The following CSNK2A2IP variants were observed in gnomAD, a reference collection of about 807,000 sequenced individuals.
The protein encoded by CSNK2A2IP is casein kinase II subunit alpha'-interacting protein.
At chr3:88,435,588 T>G in the CSNK2A2IP span, among the ~76,000 whole-genome samples, 1 of 152,120 alleles carries the variant, frequency 6.6e-6, no homozygotes, top group Admixed American at 6.6e-5. Flanking sequence ...TACCTTCACT[T>G]AAACCATCTT....
the CSNK2A2IP span, among the ~76,000 whole-genome samples, chr3:88,446,029 CTTTTCTTTCTTTCTTTCTTT>C: frequency 3.0e-5 from 1 of 33,186 alleles, no homozygotes; most frequent in East Asian, 5.3e-4. Flanking sequence ...TTCTTTGTTT[CTTTTCTTTCTTTCTTTCTTT>C]CTTTCTTTCT....
At chr3:88,398,098 G>C in the CSNK2A2IP span, among the ~76,000 whole-genome samples, 117 of 152,142 alleles carry the variant, frequency 7.7e-4, no homozygotes, top group African/African-American at 2.8e-3. Flanking sequence ...CCAACTCAGA[G>C]AAATATGCTG....
chr3:88,383,750 G>A, the CSNK2A2IP span, among the ~76,000 whole-genome samples: 7 of 134,550 alleles, frequency 5.2e-5, no homozygotes, highest in East Asian at 2.4e-4. Flanking sequence ...TGCAACCTCC[G>A]CCTCCCCGGT....
the CSNK2A2IP span, among the ~76,000 whole-genome samples, chr3:88,366,491 C>T: frequency 1.3e-5 from 2 of 152,082 alleles, no homozygotes; most frequent in South Asian, 2.1e-4. Context: ...GTTTGATTTG[C>T]AAATGATTCT....
At chr3:88,393,959 TA>T in the CSNK2A2IP span, among the ~76,000 whole-genome samples, 2 of 152,130 alleles carry the variant, frequency 1.3e-5, no homozygotes, top group African/African-American at 4.8e-5. Context: ...AAAGCAGCGC[TA>T]GGGGACAATG....
the CSNK2A2IP span, among the ~76,000 whole-genome samples, chr3:88,389,269 G>A: frequency 2.0e-5 from 3 of 151,974 alleles, no homozygotes; most frequent in Non-Finnish European, 2.9e-5. Flanking sequence ...GAGAAAATGA[G>A]GACGTTAGTT....
At chr3:88,385,391 T>C in the CSNK2A2IP span, among the ~76,000 whole-genome samples, 12 of 152,140 alleles carry the variant, frequency 7.9e-5, no homozygotes, top group African/African-American at 2.7e-4. Flanking sequence ...AGGTCTTTTG[T>C]GACCTTGAAA....
chr3:88,419,114 A>G, the CSNK2A2IP span, among the ~76,000 whole-genome samples: 2 of 152,118 alleles, frequency 1.3e-5, no homozygotes, highest in African/African-American at 4.8e-5. Flanking sequence ...GGCTCCCATG[A>G]GTCTACAATA....
the CSNK2A2IP span, among the ~76,000 whole-genome samples, chr3:88,354,340 G>A: frequency 1.4e-4 from 22 of 152,244 alleles, no homozygotes; most frequent in African/African-American, 5.3e-4. Flanking sequence ...AATTAGATGA[G>A]CTGCATGATA....
chr3:88,430,192 T>C, the CSNK2A2IP span, among the ~76,000 whole-genome samples: 1 of 152,158 alleles, frequency 6.6e-6, no homozygotes, highest in Non-Finnish European at 1.5e-5. Context: ...GACTCCTCAC[T>C]ATTCAGCACT....
the CSNK2A2IP span, among the ~76,000 whole-genome samples, chr3:88,346,359 G>C: frequency 2.0e-5 from 3 of 152,104 alleles, no homozygotes; most frequent in African/African-American, 7.2e-5. Flanking sequence ...AAATGAAACA[G>C]CTTCATAATG....
the CSNK2A2IP span, among the ~76,000 whole-genome samples, chr3:88,343,919 T>G: frequency 6.6e-6 from 1 of 151,962 alleles, no homozygotes; most frequent in East Asian, 1.9e-4. Flanking sequence ...CAATAAATCA[T>G]CTAGGTTATT....
chr3:88,424,379 G>A, the CSNK2A2IP span, among the ~76,000 whole-genome samples: 1 of 152,124 alleles, frequency 6.6e-6, no homozygotes, highest in Non-Finnish European at 1.5e-5. Flanking sequence ...CTAGTTTCAA[G>A]GTCCGGTATA....
chr3:88,433,633 G>A, the CSNK2A2IP span, among the ~76,000 whole-genome samples: 1 of 152,174 alleles, frequency 6.6e-6, no homozygotes, highest in Non-Finnish European at 1.5e-5. Context: ...ATTGATTTCT[G>A]AAAAGGCAGC....
At chr3:88,464,829 TGTTAGAATATATATAC>T in the CSNK2A2IP span, among the ~76,000 whole-genome samples, 1 of 152,230 alleles carries the variant, frequency 6.6e-6, no homozygotes, top group Admixed American at 6.5e-5. Flanking sequence ...ATCTTGGCAC[TGTTAGAATATATATAC>T]GTTTGTTTAT....
the CSNK2A2IP span, among the ~76,000 whole-genome samples, chr3:88,392,766 C>T: frequency 3.9e-5 from 6 of 152,130 alleles, no homozygotes; most frequent in East Asian, 1.9e-4. Flanking sequence ...AAACACATTA[C>T]GTAAGTTTGG....
chr3:88,411,344 A>C, the CSNK2A2IP span, among the ~76,000 whole-genome samples: 5,355 of 149,024 alleles, frequency 0.036, 155 homozygotes, highest in East Asian at 0.14. Flanking sequence ...CACTCACTCT[A>C]TCTATCATCT....
chr3:88,367,789 C>T, the CSNK2A2IP span, among the ~76,000 whole-genome samples: 2 of 152,042 alleles, frequency 1.3e-5, no homozygotes, highest in African/African-American at 4.8e-5. Context: ...TGAACCATTG[C>T]TAATTTGCAA....
At chr3:88,466,658 AAATT>A in the CSNK2A2IP span, 1 of 1,221,518 alleles carries the variant, frequency 8.2e-7, no homozygotes, top group Non-Finnish European at 1.0e-6. Flanking sequence ...GTGGTAAATA[AAATT>A]GTCAATTCTA....
Sources: allele counts gnomAD v4.1 joint callset (sites outside exome capture counted in the v4.1 genomes callset), GRCh38; gene constraint gnomAD v4.1.1; transcripts MANE v1.5; gene names NCBI Gene and HGNC (gene_info 2026-07-23, HGNC 2026-07-21).